The following ADGRL3 variants were observed in gnomAD, a reference collection of about 807,000 sequenced individuals.
ADGRL3 encodes calcium-independent alpha-latrotoxin receptor 3.
Under a neutral mutation model 153.5 loss-of-function variants are expected in ADGRL3, and 62 were observed. That is an observed-to-expected ratio of 0.40 (90% CI 0.33 to 0.50). The LOEUF is 0.50. Among genes scored for constraint, ADGRL3 ranks in the 20% least tolerant of loss-of-function variants. The pLI, the probability that ADGRL3 is intolerant of heterozygous loss-of-function variation, is 0.47. For missense variants in ADGRL3, 1,641 were observed against 1,859.4 expected, an observed-to-expected ratio of 0.88 and a Z score of 2.16; for synonymous variants, 710 against 672.5, an observed-to-expected ratio of 1.06 and a Z score of -0.86.
chr4:61,882,812 C>G (rs1238626786), intron 9 of ADGRL3, among the ~76,000 whole-genome samples: 1 of 152,152 alleles, frequency 6.6e-6, no homozygotes, highest in Non-Finnish European at 1.5e-5. Flanking sequence ...TTGACACCCA[C>G]TTAATACTTG....
chr4:61,445,043 C>A (rs948687349), intron 2 of ADGRL3, among the ~76,000 whole-genome samples: 3 of 87,080 alleles, frequency 3.4e-5, no homozygotes, highest in South Asian at 6.6e-4. Flanking sequence ...AAGAGTGAGA[C>A]CCTGTCTAAA....
intron 8 of ADGRL3, among the ~76,000 whole-genome samples, chr4:61,740,501 T>C (rs2096569702): frequency 6.6e-6 from 1 of 152,206 alleles, no homozygotes; most frequent in South Asian, 2.1e-4. Context: ...TGATTATTCA[T>C]TAATAAAGAA....
chr4:61,854,363 T>C (rs749659086), intron 9 of ADGRL3, among the ~76,000 whole-genome samples: 54 of 152,168 alleles, frequency 3.5e-4, no homozygotes, highest in Non-Finnish European at 6.2e-4. Flanking sequence ...ATCTGGAGAA[T>C]CTTGTAGCAC....
intron 2 of ADGRL3, among the ~76,000 whole-genome samples, chr4:61,459,546 A>C (rs933786328): frequency 5.9e-5 from 9 of 152,036 alleles, no homozygotes; most frequent in African/African-American, 2.2e-4. Flanking sequence ...TATATTATTA[A>C]TTTCCTTTCC....
At position 61,677,031 on chromosome 4, in the gene ADGRL3, G is replaced by A. The variant is rs187043410; in HGVS notation, c.583+96G>A. 40 of 835,666 alleles carry A rather than the reference G, an allele frequency of 4.8e-5. 1 individual carries two copies. Among genetic ancestry groups the A allele is most frequent in the South Asian group, 2.5e-4 (15 of 59,180 alleles). 51.8% of individuals were successfully genotyped at this position (835,666 alleles called of 1,614,324 possible). ...TATTCTCTATGAAAACATAAATCAC[G>A]TAAATTAAATGAAAAAATTGGCTAA... On this transcript the variant is annotated intron_variant, in intron 6 of 26. Coordinates refer to ENST00000683033, the MANE Select transcript of ADGRL3 (RefSeq NM_001387552.1).
chr4:61,288,429 G>A (rs750250388), intron 1 of ADGRL3, among the ~76,000 whole-genome samples: 3 of 151,942 alleles, frequency 2.0e-5, no homozygotes, highest in East Asian at 1.9e-4. Context: ...CTGCTGTTTC[G>A]CTGCTGTTTT....
intron 1 of ADGRL3, among the ~76,000 whole-genome samples, chr4:61,226,793 G>GAA (rs35045517): frequency 0.16 from 23,849 of 148,088 alleles, 2,329 homozygotes; most frequent in East Asian, 0.48. Context: ...GTGTTAGTAG[G>GAA]AAAAAAAAAA....
intron 16 of ADGRL3, among the ~76,000 whole-genome samples, chr4:61,947,784 T>G (rs2098931576): frequency 6.6e-6 from 1 of 152,220 alleles, no homozygotes; most frequent in African/African-American, 2.4e-5. Context: ...TTTCAGATGT[T>G]GGTTGTTAAG....
chr4:61,952,413 A>C (rs1280879029), intron 17 of ADGRL3, among the ~76,000 whole-genome samples: 1 of 151,016 alleles, frequency 6.6e-6, no homozygotes, highest in East Asian at 2.0e-4. Context: ...TGGGAGGTTG[A>C]GGCTGCAGTG....
intron 21 of ADGRL3, among the ~76,000 whole-genome samples, chr4:62,027,723 G>A (rs768309983): frequency 5.6e-4 from 85 of 151,924 alleles, no homozygotes; most frequent in South Asian, 1.0e-3. Context: ...ACCGTATATA[G>A]TATTCATTGA....
intron 9 of ADGRL3, among the ~76,000 whole-genome samples, chr4:61,884,628 T>C (rs2098526757): frequency 2.0e-5 from 3 of 152,020 alleles, no homozygotes; most frequent in African/African-American, 2.4e-5. Context: ...TATTTATTTA[T>C]TTATTTACTT....
intron 21 of ADGRL3, among the ~76,000 whole-genome samples, chr4:62,025,706 A>G (rs1486419085): frequency 2.6e-5 from 4 of 152,142 alleles, no homozygotes; most frequent in African/African-American, 9.7e-5. Flanking sequence ...GTAAGTCACT[A>G]CTTATAAATG....
At chr4:61,869,393 T>A (rs1264310315) in intron 9 of ADGRL3, among the ~76,000 whole-genome samples, 6 of 148,476 alleles carry the variant, frequency 4.0e-5, no homozygotes, top group Non-Finnish European at 5.9e-5. Flanking sequence ...GGTCAGGAGA[T>A]CGAGACCATC....
intron 1 of ADGRL3, among the ~76,000 whole-genome samples, chr4:61,269,682 A>C (rs1578056099): frequency 6.6e-6 from 1 of 151,888 alleles, no homozygotes; most frequent in East Asian, 1.9e-4. Context: ...TGTCACATTC[A>C]ACAAGCTCTA....
rs527606427 is a variant in ADGRL3, at chr4:61,400,805, C to T, written c.-174+17616C>T. Among the ~76,000 whole-genome samples the T allele has an allele frequency of 3.2e-4, 37 of 115,636 alleles. No individual in the cohort carries two copies. The East Asian group carries it at 8.2e-3, about 26-fold the overall frequency. The allele number at this position is 115,636 out of a possible 152,430, so 75.9% of individuals were successfully genotyped here. On this transcript the variant is annotated intron_variant, in intron 2 of 26. Transcript: ENST00000683033. ...GTGAAACAAAAATGCTCCATATGTG[C>T]AGCTAAAGTTACAAAAAAAAAAAAA...
rs181372255 is a variant in ADGRL3, at chr4:61,344,566, A to G, written c.-239-38558A>G. ...TTTCCTGGCATCCTGAAACTCAAGA[A>G]AGCTATAAGACTTTTTTTTTTCTTT... On this transcript the variant is annotated intron_variant, in intron 1 of 26. Coordinates refer to ENST00000683033, the MANE Select transcript of ADGRL3 (RefSeq NM_001387552.1). 8.5e-5 allele frequency among the ~76,000 whole-genome samples: 13 copies of G among 152,236 alleles called. No individual in the cohort carries two copies. The East Asian group carries it at 2.5e-3, about 29-fold the overall frequency.
intron 2 of ADGRL3, among the ~76,000 whole-genome samples, chr4:61,483,048 G>C (rs1287191754): frequency 6.6e-6 from 1 of 152,172 alleles, no homozygotes; most frequent in Non-Finnish European, 1.5e-5. Flanking sequence ...AGAGTATGCA[G>C]TGTAAAGAAT....
intron 8 of ADGRL3, among the ~76,000 whole-genome samples, chr4:61,806,480 A>G (rs1017205230): frequency 4.0e-5 from 6 of 151,894 alleles, no homozygotes; most frequent in Non-Finnish European, 7.4e-5. Flanking sequence ...TGTAATACAT[A>G]TATTATAAAC....
rs529951317 is a variant in ADGRL3, at chr4:61,870,405, T to C, written c.1481-22251T>C. 3.9e-5 allele frequency among the ~76,000 whole-genome samples: 6 copies of C among 152,284 alleles called. No homozygotes were observed. The South Asian group carries it at 1.0e-3, about 26-fold the overall frequency. On this transcript the variant is annotated intron_variant, in intron 9 of 26. Transcript: ENST00000683033. Reference sequence around the variant, plus strand: ...TGACCTTGGATTAAGCAATGGTTTCTTACATTTAACACCAACAGCACAAGC... The same window carrying C: ...TGACCTTGGATTAAGCAATGGTTTCCTACATTTAACACCAACAGCACAAGC...
Sources: allele counts gnomAD v4.1 joint callset (sites outside exome capture counted in the v4.1 genomes callset), GRCh38; gene constraint gnomAD v4.1.1; transcripts MANE v1.5; gene names NCBI Gene and HGNC (gene_info 2026-07-23, HGNC 2026-07-21).